The following SRSF2 variants were observed in gnomAD, a reference collection of about 807,000 sequenced individuals.
SRSF2 encodes serine and arginine rich splicing factor 2, also known as serine/arginine-rich splicing factor 2.
SRSF2 carries 4 observed loss-of-function variants against 15.7 expected under a neutral mutation model. That is an observed-to-expected ratio of 0.26 (90% CI 0.13 to 0.58). The LOEUF (loss-of-function observed/expected upper bound fraction) is 0.58. Ranked by LOEUF, SRSF2 falls within the 20% of genes least tolerant of loss-of-function variation. The pLI, the probability that SRSF2 is intolerant of heterozygous loss-of-function variation, is 0.90. For synonymous variants in SRSF2, 192 were observed against 138.9 expected (o/e 1.38, Z -2.69); for missense variants, 147 against 332.4 (o/e 0.44, Z 4.34).
Position 76,737,230 on chromosome 17 carries a change from G to A in SRSF2, c.-70C>T, listed in dbSNP as rs761683395. 2 of 1,463,850 alleles carry A rather than the reference G, an allele frequency of 1.4e-6. No individual in the cohort carries two copies. Among genetic ancestry groups the A allele is most frequent in the African/African-American group, 2.8e-5 (2 of 70,400 alleles). The allele number at this position is 1,463,850 out of a possible 1,614,324, so 90.7% of individuals were successfully genotyped here. A position where few individuals can be genotyped will look rare whatever the true frequency, so the allele number is the denominator to read the frequency against. On this transcript the variant is annotated 5_prime_UTR_variant, in exon 1 of 3. Transcript: ENST00000359995. ...CCTCAGCTCTGGGCGGTGCGACGCC[G>A]CGCCTCTCAGGCAGTTGCCTTCCGC...
intron 2 of SRSF2, chr17:76,735,475 TA>T: frequency 4.4e-6 from 1 of 227,908 alleles, no homozygotes; most frequent in Non-Finnish European, 8.7e-6. Flanking sequence ...TTCATTAAGA[TA>T]AATTGTTTCA....
chr17:76,736,477 C>G lies in SRSF2; in HGVS notation c.363-13G>C, dbSNP rs768114132. 6 of 1,608,206 alleles carry G rather than the reference C, an allele frequency of 3.7e-6. No individual in the cohort carries two copies. In the South Asian group the frequency reaches 6.6e-5, roughly 18 times the overall value. ...ACGCCGCCTAGGGCTGCGGGCGGGA[C>G]GAGCAAGCACAGCGGGGTTAATTCC... On this transcript the variant is annotated splice_polypyrimidine_tract_variant and intron_variant, in intron 1 of 2. Coordinates refer to ENST00000359995, the MANE Select transcript of SRSF2 (RefSeq NM_001195427.2).
rs913212058 is a variant in SRSF2 at position 76,734,984 on chromosome 17, A to G, written c.*182T>C. The stretch of plus-strand genomic sequence containing the variant: ...AAGAAATTTGAATAACAGCAACAAA[A>G]TGGCACATAAAATGAAGTTTGCCAA... On this transcript the variant is annotated 3_prime_UTR_variant, in exon 3 of 3. Coordinates refer to ENST00000359995, the MANE Select transcript of SRSF2 (RefSeq NM_001195427.2). The G allele has an allele frequency of 8.9e-6, 2 of 223,608 alleles. No homozygotes were observed. The highest frequency in any genetic ancestry group is 1.1e-4 in the Admixed American group (2 of 17,424). 13.9% of individuals were successfully genotyped at this position (223,608 alleles called of 1,614,324 possible). A position where few individuals can be genotyped will look rare whatever the true frequency, so the allele number is the denominator to read the frequency against.
In SRSF2 at chr17:76,737,271, A is replaced by G. The variant is rs916871703; in HGVS notation, c.-111T>C. ...TGCCTTCCGCGTGGGGACACTGGGAAAGGCCTTGCCGCAGAACAGCACGGA... is the reference window on the plus strand; with the variant it reads ...TGCCTTCCGCGTGGGGACACTGGGAGAGGCCTTGCCGCAGAACAGCACGGA... On this transcript the variant is annotated 5_prime_UTR_variant, in exon 1 of 3. Coordinates refer to ENST00000359995, the MANE Select transcript of SRSF2 (RefSeq NM_001195427.2). 27 of 1,404,218 alleles carry G rather than the reference A, an allele frequency of 1.9e-5. No homozygotes were observed. In the African/African-American group the frequency reaches 3.6e-4, roughly 19 times the overall value. 87.0% of individuals were successfully genotyped at this position (1,404,218 alleles called of 1,614,324 possible).
intron 1 of SRSF2, 122 bp from the exon 2 acceptor site, chr17:76,736,586 G>A (rs879534548): frequency 8.0e-7 from 1 of 1,253,752 alleles, no homozygotes. Context: ...CAGTCGCGAG[G>A]CGGGGTCCTC....
chr17:76,736,861 G>A lies in SRSF2; in HGVS notation c.300C>T (p.His100=), dbSNP rs770165979. ...TGCGGGGTGGCGGTCCCCGGCGGCT[G>A]TGGTGTGAGTCCGGGGGGCGGCCGT... is the stretch of plus-strand genomic sequence containing the variant. ...ARYGRPPDSH[H]SRRGPPPRRY... The change falls in exon 1 of 3, where the codon CAC becomes CAT. Residue 100 remains histidine, a synonymous_variant. Coordinates refer to ENST00000359995, the MANE Select transcript of SRSF2 (RefSeq NM_001195427.2). 6.2e-6 allele frequency: 10 copies of A among 1,609,614 alleles called. No homozygotes were observed. The highest frequency in any genetic ancestry group is 8.5e-6 in the Non-Finnish European group (10 of 1,178,536).
At chr17:76,737,354 C>T, upstream of SRSF2, 1 of 687,936 alleles carries the variant, frequency 1.5e-6, no homozygotes, top group Non-Finnish European at 2.3e-6. Flanking sequence ...GGCCTCTGCG[C>T]CCGTTTATAT....
At position 76,736,951 on chromosome 17, in the gene SRSF2, G is replaced by A; in HGVS notation, c.210C>T (p.Asp70=). Residue 70 remains aspartate (D), a synonymous_variant, in exon 1 of 3, where the codon GAC becomes GAT. Coordinates refer to ENST00000359995, the MANE Select transcript of SRSF2 (RefSeq NM_001195427.2). ...VRFHDKRDAE[D]AMDAMDGAVL... Reference sequence around the variant, plus strand: ...CGGCCCCGTCCATGGCATCCATAGCGTCCTCAGCGTCGCGCTTGTCGTGAA... The same window carrying A: ...CGGCCCCGTCCATGGCATCCATAGCATCCTCAGCGTCGCGCTTGTCGTGAA... The A allele has an allele frequency of 6.2e-7, 1 of 1,613,374 alleles. No individual in the cohort carries two copies. The highest frequency in any genetic ancestry group is 2.2e-5 in the East Asian group (1 of 44,864).
rs1419789271 is a variant in SRSF2, at chr17:76,736,424, G to A, written c.403C>T (p.Arg135Cys). 1 of 1,613,664 alleles carries A rather than the reference G, an allele frequency of 6.2e-7. No homozygotes were observed. Among genetic ancestry groups the A allele is most frequent in the Non-Finnish European group, 8.5e-7 (1 of 1,179,990 alleles). The change falls in exon 2 of 3, where the codon CGT becomes TGT. Residue 135 changes from arginine to cysteine, a missense_variant. This residue lies in a region of SRSF2 where 125 missense variants were observed against 185.1 expected (regional missense o/e 0.68). Transcript: ENST00000359995. ...CGAGATCGGCTGCGAGACCTGGAAC[G>A]ACTCCGACTCCGGGATCGGCTGCGG... Reference protein sequence around the residue: ...RRRSRSRSRSRSRSRSRSRYS... With the variant: ...RRRSRSRSRSCSRSRSRSRYS...
At chr17:76,735,896 G>C (rs560982300) in intron 2 of SRSF2, 3 of 591,644 alleles carry the variant, frequency 5.1e-6, no homozygotes, top group Non-Finnish European at 9.3e-6. Flanking sequence ...GGAAAATGCA[G>C]ACGTTGGATA....
rs1190876025 is a variant in SRSF2, at chr17:76,735,173, A to G, written c.*8-15T>C. The G allele has an allele frequency of 1.4e-5, 3 of 219,784 alleles. No individual in the cohort carries two copies. The highest frequency in any genetic ancestry group is 6.7e-5 in the African/African-American group (3 of 44,568). The allele number at this position is 219,784 out of a possible 1,614,324, so 13.6% of individuals were successfully genotyped here. A position where few individuals can be genotyped will look rare whatever the true frequency, so the allele number is the denominator to read the frequency against. On this transcript the variant is annotated splice_polypyrimidine_tract_variant and intron_variant, in intron 2 of 2. Transcript: ENST00000359995. ...TGCCGATACATCTAGGTTTGAAAAGAAAGAAGTTCAGCTTACCTTCCATTA... is the reference window on the plus strand; with the variant it reads ...TGCCGATACATCTAGGTTTGAAAAGGAAGAAGTTCAGCTTACCTTCCATTA...
rs575429768 is a variant in SRSF2, at chr17:76,737,295, G to C, written c.-135C>G. On this transcript the variant is annotated 5_prime_UTR_variant, in exon 1 of 3. Coordinates refer to ENST00000359995, the MANE Select transcript of SRSF2 (RefSeq NM_001195427.2). ...AAAGGCCTTGCCGCAGAACAGCACG[G>C]ACGGGCTCCGCAGGCTAGCGCACCT... 4 of 1,254,886 alleles carry C rather than the reference G, an allele frequency of 3.2e-6. 1 individual carries two copies. The highest frequency in any genetic ancestry group is 3.0e-5 in the African/African-American group (2 of 65,802). The allele number at this position is 1,254,886 out of a possible 1,614,324, so 77.7% of individuals were successfully genotyped here.
chr17:76,736,288 C>T lies in SRSF2; in HGVS notation c.539G>A (p.Arg180His), dbSNP rs780470069. The T allele has an allele frequency of 1.2e-6, 2 of 1,614,038 alleles. No homozygotes were observed. Among genetic ancestry groups the T allele is most frequent in the Non-Finnish European group, 1.7e-6 (2 of 1,180,024 alleles). The change falls in exon 2 of 3, where the codon CGT (arginine) becomes CAT (histidine). Residue 180 changes from arginine to histidine, a missense_variant. By Grantham distance (29) the Arg-to-His change is conservative. Transcript: ENST00000359995. ...KSKSSSVSRS[R>H]SRSRSRSRSR... Reference sequence around the variant, plus strand: ...CCGAGACCGGGACCTGGACCGCGAACGAGATCTGGAGACCGACGAGGACTT... The same window carrying T: ...CCGAGACCGGGACCTGGACCGCGAATGAGATCTGGAGACCGACGAGGACTT...
rs774394478 is a variant in SRSF2, at chr17:76,737,008, G to A, written c.153C>T (p.Thr51=). The A allele has an allele frequency of 3.1e-6, 5 of 1,613,486 alleles. No homozygotes were observed. The highest frequency in any genetic ancestry group is 1.1e-5 in the South Asian group (1 of 91,066). The change falls in exon 1 of 3, where the codon ACC becomes ACT. Residue 51 remains threonine, a synonymous_variant. Coordinates refer to ENST00000359995, the MANE Select transcript of SRSF2 (RefSeq NM_001195427.2). ...GDVYIPRDRY[T]KESRGFAFVR... ...CGAAGGCGAAGCCGCGGGACTCCTT[G>A]GTGTAGCGGTCCCGCGGGATGTACA...
Position 76,736,706 on chromosome 17 carries a change from C to T in SRSF2, c.362+93G>A, listed in dbSNP as rs536602994. On this transcript the variant is annotated intron_variant, in intron 1 of 2. Coordinates refer to ENST00000359995, the MANE Select transcript of SRSF2 (RefSeq NM_001195427.2). ...CGTGCACCCCCGCCCCGTCCGGGCC[C>T]GCACCACGTGCTTCGCCGCGGACCT... is the stretch of plus-strand genomic sequence containing the variant. 1.4e-5 allele frequency: 19 copies of T among 1,332,222 alleles called. No individual in the cohort carries two copies. The Admixed American group carries it at 4.6e-4, about 32-fold the overall frequency. 82.5% of individuals were successfully genotyped at this position (1,332,222 alleles called of 1,614,324 possible). A position where few individuals can be genotyped will look rare whatever the true frequency, so the allele number is the denominator to read the frequency against.
chr17:76,734,607 G>C lies in SRSF2; in HGVS notation c.*559C>G, dbSNP rs772823302. The C allele has an allele frequency of 4.3e-6, 1 of 230,094 alleles. No homozygotes were observed. Among genetic ancestry groups the C allele is most frequent in the African/African-American group, 2.2e-5 (1 of 45,066 alleles). 14.3% of individuals were successfully genotyped at this position (230,094 alleles called of 1,614,324 possible). ...AAGAGAAGAGATTAGAATTGTGTTT[G>C]ATAAACAATCCTTTCAAAAAATCAA... On this transcript the variant is annotated 3_prime_UTR_variant, in exon 3 of 3. Coordinates refer to ENST00000359995, the MANE Select transcript of SRSF2 (RefSeq NM_001195427.2).
At chr17:76,736,513 G>GCCGGCCCCGCCCGCGCGCTC in intron 1 of SRSF2, 49 bp from the exon 2 acceptor site, 1 of 1,566,178 alleles carries the variant, frequency 6.4e-7, no homozygotes, top group Non-Finnish European at 8.6e-7. Flanking sequence ...AGGCAGCGGG[G>GCCGGCCCCGCCCGCGCGCTC]CCGGCCCCGC....
At chr17:76,735,620 G>T in intron 2 of SRSF2, 1 of 249,598 alleles carries the variant, frequency 4.0e-6, no homozygotes, top group Non-Finnish European at 8.0e-6. Flanking sequence ...TGCAATACCT[G>T]TAACTTTCTT....
chr17:76,735,717 T>C (rs2077431660), intron 2 of SRSF2: 1 of 322,096 alleles, frequency 3.1e-6, no homozygotes, highest in Non-Finnish European at 6.0e-6. Context: ...ACAACAATAG[T>C]TGAACTGATT....
Sources: allele counts gnomAD v4.1 joint callset, GRCh38; gene constraint gnomAD v4.1.1; regional missense constraint gnomAD v4.1.1; transcripts MANE v1.5; gene names NCBI Gene and HGNC (gene_info 2026-07-23, HGNC 2026-07-21).